SYT9: variants seen among roughly 807,000 people sequenced by gnomAD.
The protein encoded by SYT9 is synaptotagmin-9.
SYT9 carries 22 observed loss-of-function variants against 48.4 expected under a neutral mutation model. The observed-to-expected ratio is 0.45, with a 90% CI of 0.32 to 0.65. The LOEUF (loss-of-function observed/expected upper bound fraction) is 0.65, where lower values mean the gene tolerates loss of function less well. Ranked by LOEUF, SYT9 falls within the 30% of genes least tolerant of loss-of-function variation. The pLI, the probability that SYT9 is intolerant of heterozygous loss-of-function variation, is 0.03. For synonymous variants in SYT9, 265 were observed against 245.0 expected, an observed-to-expected ratio of 1.08 and a Z score of -0.76; for missense variants, 577 against 622.0, an observed-to-expected ratio of 0.93 and a Z score of 0.77.
chr11:7,452,859 C>G (rs1339759029), intron 6 of SYT9, among the ~76,000 whole-genome samples: 1 of 152,030 alleles, frequency 6.6e-6, no homozygotes, highest in Non-Finnish European at 1.5e-5. Context: ...CTCGGCTCAC[C>G]ACAACCTCCG....
At position 7,251,914 on chromosome 11, in the gene SYT9, G is replaced by A; in HGVS notation, c.-273G>A. 2.7e-6 allele frequency: 1 copy of A among 372,440 alleles called. No homozygotes were observed. Among genetic ancestry groups the A allele is most frequent in the Non-Finnish European group, 4.8e-6 (1 of 208,312 alleles). The allele number at this position is 372,440 out of a possible 1,614,324, so 23.1% of individuals were successfully genotyped here. A position where few individuals can be genotyped will look rare whatever the true frequency, so the allele number is the denominator to read the frequency against. On this transcript the variant is annotated 5_prime_UTR_variant, in exon 1 of 7. In the 5' UTR this introduces an upstream ATG that the reference lacks. Transcript: ENST00000318881. ...CGCAAGCAGAGAGGCGCTCTGGGCTGTGCGGCACCGCCTCTCCTCGGTGTC... is the reference window on the plus strand; with the variant it reads ...CGCAAGCAGAGAGGCGCTCTGGGCTATGCGGCACCGCCTCTCCTCGGTGTC...
chr11:7,426,383 G>A (rs772801569), intron 6 of SYT9, among the ~76,000 whole-genome samples: 6 of 152,122 alleles, frequency 3.9e-5, no homozygotes, highest in Admixed American at 6.5e-5. Flanking sequence ...CTGAGGGCAG[G>A]TAGCACCTCC....
intron 3 of SYT9, among the ~76,000 whole-genome samples, chr11:7,375,267 T>C (rs1226161038): frequency 6.6e-6 from 1 of 152,116 alleles, no homozygotes; most frequent in African/African-American, 2.4e-5. Context: ...TGTTCTGTTC[T>C]ATTGGTCTAT....
intron 3 of SYT9, among the ~76,000 whole-genome samples, chr11:7,403,735 T>C (rs144324127): frequency 6.7e-6 from 1 of 149,896 alleles, no homozygotes; most frequent in East Asian, 2.0e-4. Flanking sequence ...TCAAATATAA[T>C]CTGTCCTGTA....
At chr11:7,348,904 C>T (rs1352781226) in intron 3 of SYT9, among the ~76,000 whole-genome samples, 1 of 151,622 alleles carries the variant, frequency 6.6e-6, no homozygotes, top group South Asian at 2.1e-4. Flanking sequence ...GTGACTGGTT[C>T]TGGAGAAAGA....
At chr11:7,369,804 C>CACAT (rs1407912551) in intron 3 of SYT9, among the ~76,000 whole-genome samples, 4 of 143,676 alleles carry the variant, frequency 2.8e-5, no homozygotes, top group African/African-American at 1.2e-4. Context: ...AACACACACA[C>CACAT]ACACACACAC....
rs183039589 is a variant in SYT9 at position 7,276,240 on chromosome 11, G to A, written c.145+23909G>A. ...CACCAGTTCCCGCCAGTTTTATCTC[G>A]TAATAATTTCTCAGATCTGTCTTCT... On this transcript the variant is annotated intron_variant, in intron 1 of 6. Coordinates refer to ENST00000318881, the MANE Select transcript of SYT9 (RefSeq NM_175733.4). Among the ~76,000 whole-genome samples the A allele has an allele frequency of 4.2e-3, 645 of 152,136 alleles. 2 individuals carry two copies. The highest frequency in any genetic ancestry group is 0.014 in the Middle Eastern group (4 of 294).
intron 1 of SYT9, among the ~76,000 whole-genome samples, chr11:7,295,350 A>G (rs1848779941): frequency 6.6e-6 from 1 of 152,258 alleles, no homozygotes; most frequent in African/African-American, 2.4e-5. Context: ...ACAGCAGAAC[A>G]TAAACACAAT....
chr11:7,259,605 T>C (rs1848041080), intron 1 of SYT9, among the ~76,000 whole-genome samples: 1 of 152,186 alleles, frequency 6.6e-6, no homozygotes, highest in South Asian at 2.1e-4. Context: ...TGCTTAGTTG[T>C]TTCAATTTGT....
chr11:7,314,052 A>G (rs1300402052), intron 3 of SYT9, 111 bp downstream of exon 3: 2 of 1,266,080 alleles, frequency 1.6e-6, no homozygotes, highest in East Asian at 4.6e-5. Context: ...GTCAATGTAC[A>G]TGTAGCAGTT....
chr11:7,355,302 C>T (rs551070156), intron 3 of SYT9, among the ~76,000 whole-genome samples: 2 of 152,302 alleles, frequency 1.3e-5, no homozygotes, highest in South Asian at 2.1e-4. Context: ...TTGTGGGAGG[C>T]CAGGTGGGCT....
At chr11:7,446,444 A>T (rs575080416) in intron 6 of SYT9, among the ~76,000 whole-genome samples, 1 of 152,282 alleles carries the variant, frequency 6.6e-6, no homozygotes, top group African/African-American at 2.4e-5. Context: ...TTGGCCAGAA[A>T]CACTGATTCT....
At chr11:7,316,270 C>T (rs890603763) in intron 3 of SYT9, among the ~76,000 whole-genome samples, 1 of 152,018 alleles carries the variant, frequency 6.6e-6, no homozygotes, top group Admixed American at 6.6e-5. Context: ...ATTGCATTCC[C>T]TCTCAGTCCA....
chr11:7,291,128 A>G (rs1353215745), intron 1 of SYT9, among the ~76,000 whole-genome samples: 1 of 152,208 alleles, frequency 6.6e-6, no homozygotes, highest in Non-Finnish European at 1.5e-5. Flanking sequence ...GCCACCCTCC[A>G]ATATCCCTCT....
chr11:7,247,846 A>G (rs1218562091), upstream of SYT9, among the ~76,000 whole-genome samples: 1 of 151,980 alleles, frequency 6.6e-6, no homozygotes, highest in Non-Finnish European at 1.5e-5. Flanking sequence ...GATACCCAGT[A>G]GTGGGACAGC....
chr11:7,378,983 A>G (rs992879728), intron 3 of SYT9, among the ~76,000 whole-genome samples: 11 of 152,194 alleles, frequency 7.2e-5, no homozygotes, highest in Non-Finnish European at 1.5e-5. Context: ...AGTTCTAAGG[A>G]TGCTTTGATA....
intron 3 of SYT9, among the ~76,000 whole-genome samples, chr11:7,348,913 G>A (rs1849854964): frequency 1.3e-5 from 2 of 151,942 alleles, no homozygotes; most frequent in South Asian, 4.2e-4. Context: ...TCTGGAGAAA[G>A]AAAAGAAAGC....
intron 3 of SYT9, among the ~76,000 whole-genome samples, chr11:7,348,835 C>G (rs1849853621): frequency 6.6e-6 from 1 of 151,498 alleles, no homozygotes; most frequent in Non-Finnish European, 1.5e-5. Context: ...AGACCCGTAT[C>G]CTGTCTCTGC....
intron 1 of SYT9, among the ~76,000 whole-genome samples, chr11:7,296,376 T>G (rs1334379700): frequency 6.6e-6 from 1 of 152,254 alleles, no homozygotes; most frequent in East Asian, 1.9e-4. Flanking sequence ...AGTTCAATCA[T>G]TTAAACAAAA....
Sources: allele counts gnomAD v4.1 joint callset (sites outside exome capture counted in the v4.1 genomes callset), GRCh38; gene constraint gnomAD v4.1.1; transcripts MANE v1.5; gene names NCBI Gene and HGNC (gene_info 2026-07-23, HGNC 2026-07-21).